NLGN1: variants seen among roughly 807,000 people sequenced by gnomAD.
NLGN1 encodes the protein neuroligin 1.
Under a neutral mutation model 65.5 loss-of-function variants are expected in NLGN1, and 12 were observed. That is an observed-to-expected ratio of 0.18 (90% CI 0.12 to 0.30). NLGN1 has a LOEUF of 0.30. NLGN1 is among the 10% of genes least tolerant of loss of function. NLGN1 has a pLI of 1.00. For missense variants in NLGN1, 750 were observed against 1,007.1 expected (o/e 0.74, Z 3.46); for synonymous variants, 350 against 359.5 (o/e 0.97, Z 0.30).
chr3:174,162,289 C>T (rs925489984), intron 4 of NLGN1, among the ~76,000 whole-genome samples: 1 of 151,846 alleles, frequency 6.6e-6, no homozygotes, highest in Non-Finnish European at 1.5e-5. Flanking sequence ...CTGTCTCTTA[C>T]TAATATGAAA....
intron 2 of NLGN1, among the ~76,000 whole-genome samples, chr3:173,471,161 C>G (rs1183712431): frequency 6.6e-6 from 1 of 152,090 alleles, no homozygotes; most frequent in Admixed American, 6.6e-5. Flanking sequence ...ACTACTGTTG[C>G]CTCGGGTCAG....
chr3:173,738,316 G>T (rs6782495), intron 3 of NLGN1, among the ~76,000 whole-genome samples: 130,756 of 151,858 alleles, frequency 0.86, 56,378 homozygotes, highest in East Asian at 1. Flanking sequence ...TTAAAAATGC[G>T]TTGTCTAGAC....
intron 3 of NLGN1, among the ~76,000 whole-genome samples, chr3:173,675,957 G>A (rs1225466927): frequency 6.7e-6 from 1 of 149,520 alleles, no homozygotes. Flanking sequence ...ATCTTAATAG[G>A]ATTAGTGGAT....
intron 4 of NLGN1, among the ~76,000 whole-genome samples, chr3:174,028,095 C>T (rs915966669): frequency 2.6e-5 from 4 of 152,154 alleles, no homozygotes; most frequent in Non-Finnish European, 5.9e-5. Flanking sequence ...GAGGTCTCCC[C>T]AGCCATGTTT....
At chr3:174,138,617 G>T (rs1457417512) in intron 4 of NLGN1, among the ~76,000 whole-genome samples, 3 of 151,764 alleles carry the variant, frequency 2.0e-5, no homozygotes, top group Admixed American at 6.6e-5. Context: ...TGTATTTTTA[G>T]TAGAGATGGG....
rs539478130 is a variant in NLGN1 at position 174,180,361 on chromosome 3, T to C, written c.647-94954T>C. Among the ~76,000 whole-genome samples, 177 of 152,280 alleles carry C rather than the reference T, an allele frequency of 1.2e-3. 1 individual carries two copies. Among genetic ancestry groups the C allele is most frequent in the Non-Finnish European group, 2.0e-3 (137 of 68,014 alleles). ...GTCCAATTTTAGTGTGAGACTGACC[T>C]AGACAAATAATTGTATTTAGATAAC... On this transcript the variant is annotated intron_variant, in intron 4 of 6. Transcript: ENST00000457714.
intron 4 of NLGN1, among the ~76,000 whole-genome samples, chr3:174,026,225 C>T (rs1012304087): frequency 2.0e-5 from 3 of 152,134 alleles, no homozygotes; most frequent in Admixed American, 2.0e-4. Context: ...CTCATGGGCT[C>T]AAGCGATCCT....
rs528983680 is a variant in NLGN1 at position 173,425,745 on chromosome 3, T to C, written c.-389-9265T>C. Among the ~76,000 whole-genome samples the C allele has an allele frequency of 5.9e-5, 9 of 152,336 alleles. No individual in the cohort carries two copies. The East Asian group carries it at 1.5e-3, about 26-fold the overall frequency. On this transcript the variant is annotated intron_variant, in intron 1 of 6. Coordinates refer to ENST00000457714, the Ensembl canonical transcript of NLGN1. ...TTTTAGTTACTATAGCCTTGTAGTA[T>C]ACTTTGAAGTCAGGTATTATAATGC...
chr3:173,552,045 C>A (rs1438918184), intron 2 of NLGN1, among the ~76,000 whole-genome samples: 1 of 152,182 alleles, frequency 6.6e-6, no homozygotes, highest in Non-Finnish European at 1.5e-5. Context: ...ATGATCTCCT[C>A]CTTTGAGAAG....
At chr3:173,949,556 C>A (rs1429263870) in intron 4 of NLGN1, among the ~76,000 whole-genome samples, 4 of 152,100 alleles carry the variant, frequency 2.6e-5, no homozygotes, top group Admixed American at 2.0e-4. Context: ...GAGACCTTGT[C>A]TTTACTACTT....
At chr3:174,012,661 C>G (rs1320341752) in intron 4 of NLGN1, among the ~76,000 whole-genome samples, 2 of 152,116 alleles carry the variant, frequency 1.3e-5, no homozygotes, top group Non-Finnish European at 2.9e-5. Context: ...TGCATTTTAT[C>G]TTCACCATCA....
At chr3:173,981,155 T>C (rs182589713) in intron 4 of NLGN1, among the ~76,000 whole-genome samples, 1 of 152,284 alleles carries the variant, frequency 6.6e-6, no homozygotes, top group Admixed American at 6.5e-5. Flanking sequence ...TCCTCTGGGC[T>C]TCCTCATGTG....
chr3:174,290,400 T>C (rs1752636684), downstream of NLGN1, among the ~76,000 whole-genome samples: 1 of 150,944 alleles, frequency 6.6e-6, no homozygotes, highest in South Asian at 2.1e-4. Flanking sequence ...ACAATATCCC[T>C]ATGTCATACT....
At chr3:173,440,313 G>T (rs479808) in intron 2 of NLGN1, among the ~76,000 whole-genome samples, 49,981 of 151,880 alleles carry the variant, frequency 0.33, 10,707 homozygotes, top group African/African-American at 0.61. Flanking sequence ...GGGTTGGAAT[G>T]AACTTATTTT....
intron 1 of NLGN1, among the ~76,000 whole-genome samples, chr3:173,434,428 A>T (rs927137673): frequency 1.9e-4 from 29 of 152,336 alleles, no homozygotes; most frequent in South Asian, 1.7e-3. Flanking sequence ...GGCCTCACTT[A>T]AGAAACACTG....
At chr3:173,721,077 T>G (rs535747553) in intron 3 of NLGN1, among the ~76,000 whole-genome samples, 4 of 152,368 alleles carry the variant, frequency 2.6e-5, no homozygotes, top group African/African-American at 9.6e-5. Flanking sequence ...AGTGCTCATA[T>G]GCACACAACG....
At chr3:174,198,811 G>A (rs1189549437) in intron 4 of NLGN1, among the ~76,000 whole-genome samples, 1 of 144,326 alleles carries the variant, frequency 6.9e-6, no homozygotes, top group Non-Finnish European at 1.5e-5. Context: ...TAATGTGCAT[G>A]AATCTCTTTT....
At chr3:173,537,982 T>C (rs952684140) in intron 2 of NLGN1, among the ~76,000 whole-genome samples, 2 of 152,198 alleles carry the variant, frequency 1.3e-5, no homozygotes, top group African/African-American at 4.8e-5. Context: ...CAGTATTAGC[T>C]TCCAGGTCAA....
chr3:173,582,421 A>G (rs1347301658), intron 2 of NLGN1, among the ~76,000 whole-genome samples: 1 of 152,052 alleles, frequency 6.6e-6, no homozygotes, highest in African/African-American at 2.4e-5. Flanking sequence ...TTGTACTATC[A>G]TATACTCTCT....
Sources: gnomAD v4.1 joint callset for allele counts (sites outside exome capture counted in the v4.1 genomes callset) on GRCh38, gnomAD v4.1.1 for gene constraint, MANE v1.5 for transcripts, NCBI Gene and HGNC (gene_info 2026-07-23, HGNC 2026-07-21) for gene names.